PCDHGA7: variants seen among roughly 807,000 people sequenced by gnomAD.
The protein encoded by PCDHGA7 is protocadherin gamma-A7.
PCDHGA7 carries 44 observed loss-of-function variants against 58.3 expected under a neutral mutation model. The ratio of observed to expected loss-of-function variants is 0.75; its 90% CI spans 0.59 to 0.97. PCDHGA7 has a LOEUF of 0.97. Ranked by LOEUF, PCDHGA7 falls within the 50% of genes least tolerant of loss-of-function variation. The pLI, the probability that PCDHGA7 is intolerant of heterozygous loss-of-function variation, is 0.00. For synonymous variants in PCDHGA7, 516 were observed against 504.2 expected (o/e 1.02, Z -0.31); for missense variants, 1,266 against 1,188.7 (o/e 1.06, Z -0.96).
At chr5:141,415,750 T>TTTG in intron 1 of PCDHGA7, 2 of 1,313,212 alleles carry the variant, frequency 1.5e-6, no homozygotes, top group African/African-American at 1.6e-5. Context: ...GTTTTTTTTT[T>TTTG]TTTTTTTTTT....
intron 1 of PCDHGA7, chr5:141,409,130 G>C (rs1265386524): frequency 2.5e-6 from 4 of 1,613,994 alleles, no homozygotes; most frequent in Non-Finnish European, 3.4e-6. Flanking sequence ...ATTTGATTTT[G>C]AAGATGTAGA....
chr5:141,494,656 C>CT, intron 1 of PCDHGA7, 151 bp from the exon 2 acceptor site: 1 of 1,478,476 alleles, frequency 6.8e-7, no homozygotes, highest in Non-Finnish European at 9.1e-7. Flanking sequence ...TGTATTTTGT[C>CT]TTTGGAGATG....
At position 141,476,097 on chromosome 5, in the gene PCDHGA7, A is replaced by G. The variant is rs1366023758; in HGVS notation, c.2425-18710A>G. 1 of 1,571,812 alleles carries G rather than the reference A, an allele frequency of 6.4e-7. No individual in the cohort carries two copies. Among genetic ancestry groups the G allele is most frequent in the African/African-American group, 1.4e-5 (1 of 73,826 alleles). ...CAGGGACGATCTGGACCCCGCTGAG[A>G]GGAACTGCTTTTGAGTGAGATGGTC... On this transcript the variant is annotated intron_variant, in intron 1 of 3. Coordinates refer to ENST00000518325, the MANE Select transcript of PCDHGA7 (RefSeq NM_018920.4). The surrounding 1 kb of genome is among the most constrained non-coding windows in gnomAD (Gnocchi z 7.6).
intron 1 of PCDHGA7, among the ~76,000 whole-genome samples, chr5:141,420,793 T>C (rs1400287885): frequency 6.6e-6 from 1 of 152,268 alleles, no homozygotes; most frequent in Non-Finnish European, 1.5e-5. Flanking sequence ...TGAAAACTTT[T>C]TAAAAATTAA....
chr5:141,488,210 A>G (rs2099673009), intron 1 of PCDHGA7, among the ~76,000 whole-genome samples: 1 of 152,192 alleles, frequency 6.6e-6, no homozygotes, highest in Admixed American at 6.5e-5. Context: ...ACTCATATCA[A>G]GTCCCTACTG....
At chr5:141,451,640 G>A (rs2098720679) in intron 1 of PCDHGA7, among the ~76,000 whole-genome samples, 1 of 152,166 alleles carries the variant, frequency 6.6e-6, no homozygotes, top group South Asian at 2.1e-4. Context: ...CCAGCACTCT[G>A]AGAGGCCAAG....
intron 1 of PCDHGA7, chr5:141,404,696 G>T: frequency 6.2e-7 from 1 of 1,614,104 alleles, no homozygotes; most frequent in South Asian, 1.1e-5. Flanking sequence ...ACCCCGCTCT[G>T]CAGAGCCTGG....
chr5:141,392,622 A>ACTCACAT, intron 1 of PCDHGA7: 1 of 558,650 alleles, frequency 1.8e-6, no homozygotes, highest in Non-Finnish European at 3.0e-6. Context: ...AACCGAAAAC[A>ACTCACAT]CTCAGATCTC....
chr5:141,487,920 C>G lies in PCDHGA7; in HGVS notation c.2425-6887C>G, dbSNP rs561819225. On this transcript the variant is annotated intron_variant, in intron 1 of 3. Coordinates refer to ENST00000518325, the MANE Select transcript of PCDHGA7 (RefSeq NM_018920.4). This position sits in a 1 kb window ranked among gnomAD's most constrained non-coding sequence, Gnocchi z 5.0. ...TGGAATGTGGGAGCACAGGAGGCTA[C>G]AGTGCACAGGGTACAGTGCACCAGG... The G allele has an allele frequency of 4.7e-6, 3 of 644,662 alleles. No individual in the cohort carries two copies. The Admixed American group carries it at 8.5e-5, about 18-fold the overall frequency. 39.9% of individuals were successfully genotyped at this position (644,662 alleles called of 1,614,324 possible).
Position 141,511,151 on chromosome 5 carries a change from C to T in PCDHGA7, c.2777C>T (p.Ser926Leu), listed in dbSNP as rs202071188. The T allele has an allele frequency of 3.0e-5, 49 of 1,614,152 alleles. No individual in the cohort carries two copies. The highest frequency in any genetic ancestry group is 2.6e-4 in the South Asian group (24 of 91,066). The change falls in exon 4 of 4, where the codon TCG becomes TTG. Residue 926 changes from serine (S) to leucine (L), a missense_variant. Ser to Leu is a moderately radical substitution (Grantham distance 145, BLOSUM62 -2). Coordinates refer to ENST00000518325, the MANE Select transcript of PCDHGA7 (RefSeq NM_018920.4). ...GGTGGCAATGGCAACAAGAAGAAGT[C>T]GGGCAAGAAGGAGAAGAAGTAACAT... ...PAGGNGNKKK[S>L]GKKEKK
intron 1 of PCDHGA7, chr5:141,422,847 C>G (rs1271794821): frequency 7.4e-6 from 12 of 1,614,234 alleles, no homozygotes; most frequent in Non-Finnish European, 1.0e-5. Context: ...ACAGCGGGGA[C>G]CCGCCCCTCA....
At position 141,491,546 on chromosome 5, in the gene PCDHGA7, C is replaced by T; in HGVS notation, c.2425-3261C>T. ...GAGGTGACGCTGCGGCCCACAGACT[C>T]GCAGAGCCACTGCTACAGGACGTGC... On this transcript the variant is annotated intron_variant, in intron 1 of 3. Transcript: ENST00000518325. This position sits in a 1 kb window ranked among gnomAD's most constrained non-coding sequence, Gnocchi z 6.9. 1.9e-6 allele frequency: 3 copies of T among 1,614,038 alleles called. No homozygotes were observed. Among genetic ancestry groups the T allele is most frequent in the Non-Finnish European group, 2.5e-6 (3 of 1,180,024 alleles).
rs1348847945 is a variant in PCDHGA7, at chr5:141,493,426, C to G, written c.2425-1381C>G. ...TGCCTCTGCTGGGATTTTGCTTCTG[C>G]TGGGATGGGGCAAGGGTGGGGTTCC... On this transcript the variant is annotated intron_variant, in intron 1 of 3. Transcript: ENST00000518325. The surrounding 1 kb of genome is among the most constrained non-coding windows in gnomAD (Gnocchi z 4.3). Among the ~76,000 whole-genome samples, 2 of 152,144 alleles carry G rather than the reference C, an allele frequency of 1.3e-5. No homozygotes were observed. The highest frequency in any genetic ancestry group is 4.8e-5 in the African/African-American group (2 of 41,424).
intron 1 of PCDHGA7, chr5:141,403,257 G>A: frequency 6.2e-7 from 1 of 1,613,902 alleles, no homozygotes; most frequent in Non-Finnish European, 8.5e-7. Flanking sequence ...AGCCCGCGGT[G>A]TCTGGTGAAC....
At position 141,385,027 on chromosome 5, in the gene PCDHGA7, G is replaced by T. The variant is rs1487991378; in HGVS notation, c.2128G>T (p.Val710Leu). The T allele has an allele frequency of 1.9e-6, 3 of 1,614,036 alleles. No individual in the cohort carries two copies. The highest frequency in any genetic ancestry group is 2.2e-5 in the East Asian group (1 of 44,898). Residue 710 changes from valine to leucine, a missense_variant, in exon 1 of 4, where the codon GTA becomes TTA. Coordinates refer to ENST00000518325, the MANE Select transcript of PCDHGA7 (RefSeq NM_018920.4). ...CTGCGTCTTCCTAGCCTTCGTCCTC[G>T]TACTGCTGGCGCTCAGGCTGCGGCG... is the stretch of plus-strand genomic sequence containing the variant. ...VSCVFLAFVL[V>L]LLALRLRRWH... is the part of the protein sequence containing the mutation.
At chr5:141,497,848 T>C (rs2099779951) in intron 2 of PCDHGA7, among the ~76,000 whole-genome samples, 1 of 152,178 alleles carries the variant, frequency 6.6e-6, no homozygotes, top group South Asian at 2.1e-4. Flanking sequence ...AACAAACATT[T>C]TTGATTCAGC....
intron 2 of PCDHGA7, among the ~76,000 whole-genome samples, chr5:141,496,565 T>C (rs2099769541): frequency 6.6e-6 from 1 of 152,136 alleles, no homozygotes; most frequent in African/African-American, 2.4e-5. Context: ...CACAGTCCTG[T>C]CACCCATTTT....
intron 1 of PCDHGA7, among the ~76,000 whole-genome samples, chr5:141,481,309 T>C (rs577046585): frequency 2.6e-4 from 39 of 152,310 alleles, no homozygotes; most frequent in African/African-American, 9.1e-4. Context: ...GGAAAAACCT[T>C]CCTAAAGCAC....
At chr5:141,412,934 G>A (rs1232539262) in intron 1 of PCDHGA7, 1 of 453,932 alleles carries the variant, frequency 2.2e-6, no homozygotes, top group African/African-American at 2.0e-5. Context: ...TAACTTCTTA[G>A]GACTCTGAGC....
Sources: allele counts gnomAD v4.1 joint callset (sites outside exome capture counted in the v4.1 genomes callset), GRCh38; gene constraint gnomAD v4.1.1; non-coding constraint Gnocchi (gnomAD v3.1); transcripts MANE v1.5; gene names NCBI Gene and HGNC (gene_info 2026-07-23, HGNC 2026-07-21).